The following TRAF3IP1 variants were observed in gnomAD, a reference collection of about 807,000 sequenced individuals.
TRAF3IP1 encodes the protein TRAF3-interacting protein 1.
A neutral mutation model predicts 89.9 loss-of-function variants in TRAF3IP1; 53 were observed. That is an observed-to-expected ratio of 0.59 (90% CI 0.47 to 0.74). TRAF3IP1 has a LOEUF of 0.74. TRAF3IP1 is among the 30% of genes least tolerant of loss of function. The pLI is 0.00. For missense variants in TRAF3IP1, 806 were observed against 866.1 expected (o/e 0.93, Z 0.87); for synonymous variants, 311 against 322.1 (o/e 0.97, Z 0.37).
At position 238,346,589 on chromosome 2, in the gene TRAF3IP1, G is replaced by C. The variant is rs117734673; in HGVS notation, c.1262-866G>C. 3.4e-3 allele frequency among the ~76,000 whole-genome samples: 511 copies of C among 152,290 alleles called. 9 individuals carry two copies. The highest frequency in any genetic ancestry group is 0.022 in the East Asian group (114 of 5,168). Reference sequence around the variant, plus strand: ...CCTCCTGTGAATAAACGAGCTAGAGGTGTCTGTAGAGTGCTCCTCACTCTG... The same window carrying C: ...CCTCCTGTGAATAAACGAGCTAGAGCTGTCTGTAGAGTGCTCCTCACTCTG... On this transcript the variant is annotated intron_variant, in intron 9 of 16. Coordinates refer to ENST00000373327, the MANE Select transcript of TRAF3IP1 (RefSeq NM_015650.4).
chr2:238,338,885 A>G (rs1224299441), intron 8 of TRAF3IP1, among the ~76,000 whole-genome samples: 2 of 152,224 alleles, frequency 1.3e-5, no homozygotes, highest in Admixed American at 6.5e-5. Flanking sequence ...GTCACAGCCA[A>G]TCACATTCAG....
intron 3 of TRAF3IP1, 59 bp downstream of exon 3, chr2:238,326,029 G>C (rs1427426425): frequency 6.4e-7 from 1 of 1,552,028 alleles, no homozygotes; most frequent in Non-Finnish European, 8.7e-7. Flanking sequence ...AAGTAGTCGG[G>C]GGTGAGGGAC....
rs56400267 is a variant in TRAF3IP1, at chr2:238,338,572, G to A, written c.1159+115G>A. On this transcript the variant is annotated intron_variant, in intron 8 of 16. Transcript: ENST00000373327. ...ATTCTAACTACTTTAATGTTCATGA[G>A]ACTTTTTCATGATGTATTGAAGACT... 42,033 of 588,790 alleles carry A rather than the reference G, an allele frequency of 0.071. 1,865 individuals carry two copies. The highest frequency in any genetic ancestry group is 0.08 in the Non-Finnish European group (27,952 of 348,498). The allele number at this position is 588,790 out of a possible 1,614,324, so 36.5% of individuals were successfully genotyped here.
chr2:238,374,340 AG>A (rs1241290974), intron 15 of TRAF3IP1, among the ~76,000 whole-genome samples: 2 of 152,206 alleles, frequency 1.3e-5, no homozygotes, highest in African/African-American at 4.8e-5. Context: ...TTTAGCATGA[AG>A]GGCTGTCGAG....
At chr2:238,368,525 G>A (rs1473484775) in intron 15 of TRAF3IP1, among the ~76,000 whole-genome samples, 4 of 152,014 alleles carry the variant, frequency 2.6e-5, no homozygotes, top group African/African-American at 7.3e-5. Context: ...TTGTCACAGA[G>A]GGCAGGACTG....
intron 15 of TRAF3IP1, among the ~76,000 whole-genome samples, chr2:238,383,491 C>T (rs1318059380): frequency 5.3e-5 from 8 of 152,292 alleles, no homozygotes; most frequent in Middle Eastern, 3.4e-3. Flanking sequence ...ACAGATACAC[C>T]GTGGCGTTTC....
At chr2:238,342,768 C>T (rs544651409) in intron 8 of TRAF3IP1, among the ~76,000 whole-genome samples, 1 of 152,182 alleles carries the variant, frequency 6.6e-6, no homozygotes, top group East Asian at 1.9e-4. Flanking sequence ...CTGTTTGAAT[C>T]AGACTATTTA....
rs1701278353 is a variant in TRAF3IP1 at position 238,397,449 on chromosome 2, C to G, written c.1690-10C>G. 6.2e-7 allele frequency: 1 copy of G among 1,612,150 alleles called. No homozygotes were observed. Among genetic ancestry groups the G allele is most frequent in the African/African-American group, 1.3e-5 (1 of 75,046 alleles). On this transcript the variant is annotated splice_polypyrimidine_tract_variant and intron_variant, in intron 15 of 16. Transcript: ENST00000373327. Reference sequence around the variant, plus strand: ...GGCGTGTTCCTCTTCCTATGTCTCCCTGACTGTAGGAGCGATCTCTCTTTG... The same window carrying G: ...GGCGTGTTCCTCTTCCTATGTCTCCGTGACTGTAGGAGCGATCTCTCTTTG...
chr2:238,352,627 AGG>A (rs1262327958), intron 12 of TRAF3IP1, among the ~76,000 whole-genome samples, 198 bp from the exon 13 acceptor site: 1 of 152,032 alleles, frequency 6.6e-6, no homozygotes, highest in African/African-American at 2.4e-5. Flanking sequence ...CGAGGCTCAC[AGG>A]GACTCAGGCC....
At position 238,333,971 on chromosome 2, in the gene TRAF3IP1, C is replaced by T. The variant is rs747609907; in HGVS notation, c.999C>T (p.Ser333=). The T allele has an allele frequency of 5.3e-5, 86 of 1,608,644 alleles. No homozygotes were observed. The highest frequency in any genetic ancestry group is 7.1e-5 in the Non-Finnish European group (84 of 1,177,014). ...DSKAETETEI[S]TRASKSLTTK... The stretch of plus-strand genomic sequence containing the variant: ...CTTTTTTCTTTAAGACTGAGATTTC[C>T]ACTAGAGCTTCCAAGTCATTGACAA... Residue 333 remains serine, a synonymous_variant, in exon 7 of 17, where the codon TCC becomes TCT. Coordinates refer to ENST00000373327, the MANE Select transcript of TRAF3IP1 (RefSeq NM_015650.4).
Position 238,328,790 on chromosome 2 carries a change from T to C in TRAF3IP1, c.459T>C (p.Asn153=). The change falls in exon 4 of 17, where the codon AAT becomes AAC. Residue 153 remains asparagine, a synonymous_variant. Transcript: ENST00000373327. ...GATCTCAGGAATTGGATAATAAGAA[T>C]GTGCGAGAAGAAGAGTCCAGAGTTC... The part of the protein sequence containing the change: ...TSRSQELDNK[N]VREEESRVHK... 1 of 1,614,092 alleles carries C rather than the reference T, an allele frequency of 6.2e-7. No individual in the cohort carries two copies. Among genetic ancestry groups the C allele is most frequent in the African/African-American group, 1.3e-5 (1 of 75,004 alleles).
intron 8 of TRAF3IP1, among the ~76,000 whole-genome samples, chr2:238,342,336 T>C (rs11884768): frequency 0.12 from 17,754 of 152,196 alleles, 1,760 homozygotes; most frequent in African/African-American, 0.27. Flanking sequence ...AAAACTATTA[T>C]TTGACAAATT....
intron 15 of TRAF3IP1, among the ~76,000 whole-genome samples, chr2:238,360,357 T>C (rs1376330921): frequency 2.0e-5 from 3 of 152,158 alleles, no homozygotes; most frequent in African/African-American, 7.2e-5. Context: ...CTGGGTGCTA[T>C]GGCTCACACC....
intron 15 of TRAF3IP1, among the ~76,000 whole-genome samples, chr2:238,396,916 C>T (rs1376721418): frequency 6.6e-6 from 1 of 152,216 alleles, no homozygotes; most frequent in Non-Finnish European, 1.5e-5. Context: ...CGCTGGCTGC[C>T]CTGCACATTC....
intron 15 of TRAF3IP1, among the ~76,000 whole-genome samples, chr2:238,358,586 G>C (rs1699525474): frequency 6.6e-6 from 1 of 152,184 alleles, no homozygotes; most frequent in South Asian, 2.1e-4. Context: ...CCCCAGTCCT[G>C]TTCCCCCGAG....
At chr2:238,377,259 A>G (rs1700359697) in intron 15 of TRAF3IP1, among the ~76,000 whole-genome samples, 1 of 97,364 alleles carries the variant, frequency 1.0e-5, no homozygotes, top group African/African-American at 4.3e-5. Flanking sequence ...TTTTTGAGAC[A>G]GGGCCTCCCT....
Position 238,396,552 on chromosome 2 carries a change from AAAAG to A in TRAF3IP1, c.1690-906_1690-903del, listed in dbSNP as rs373192434. ...AATAATAATAAAAAAATTAAAAAAA[AAAAG>A]GAAAGAAGGAGAAAGAACTGATGTT... On this transcript the variant is annotated intron_variant, in intron 15 of 16. Coordinates refer to ENST00000373327, the MANE Select transcript of TRAF3IP1 (RefSeq NM_015650.4). 1.4e-4 allele frequency among the ~76,000 whole-genome samples: 21 copies of A among 152,236 alleles called. No homozygotes were observed. In the East Asian group the frequency reaches 3.3e-3, roughly 24 times the overall value.
rs573280848 is a variant in TRAF3IP1, at chr2:238,379,965, T to C, written c.1690-17494T>C. Among the ~76,000 whole-genome samples the C allele has an allele frequency of 1.1e-4, 17 of 152,322 alleles. No homozygotes were observed. Among genetic ancestry groups the C allele is most frequent in the African/African-American group, 4.1e-4 (17 of 41,568 alleles). On this transcript the variant is annotated intron_variant, in intron 15 of 16. Coordinates refer to ENST00000373327, the MANE Select transcript of TRAF3IP1 (RefSeq NM_015650.4). This position sits in a 1 kb window ranked among gnomAD's most constrained non-coding sequence, Gnocchi z 4.0. ...TTCCAGCATTGATGGAGAAAGACAA[T>C]TTTAAAGTCCATTTTAAAACTTAGA...
intron 12 of TRAF3IP1, among the ~76,000 whole-genome samples, chr2:238,350,537 A>T (rs542193968): frequency 1.3e-5 from 2 of 152,208 alleles, no homozygotes; most frequent in South Asian, 4.1e-4. Flanking sequence ...ACTGGAGCAG[A>T]GGTTTTCCTC....
Sources: gnomAD v4.1 joint callset for allele counts (sites outside exome capture counted in the v4.1 genomes callset) on GRCh38, gnomAD v4.1.1 for gene constraint, Gnocchi (gnomAD v3.1) non-coding constraint, MANE v1.5 for transcripts, NCBI Gene and HGNC (gene_info 2026-07-23, HGNC 2026-07-21) for gene names.